The following ADGRG2 variants were observed in gnomAD, a reference collection of about 807,000 sequenced individuals.
The protein encoded by ADGRG2 is G protein-coupled receptor 64.
ADGRG2 carries 26 observed loss-of-function variants against 74.1 expected under a neutral mutation model. The ratio of observed to expected loss-of-function variants is 0.35; its 90% CI spans 0.26 to 0.49. ADGRG2 has a LOEUF of 0.49. Among genes scored for constraint, ADGRG2 ranks in the 20% least tolerant of loss-of-function variants. The probability of loss-of-function intolerance (pLI) is 0.99; values close to 1 mark genes in which losing one functional copy is unlikely to be tolerated. For synonymous variants in ADGRG2, 296 were observed against 295.2 expected (o/e 1.00, Z -0.03); for missense variants, 619 against 763.1 (o/e 0.81, Z 2.22).
chrX:19,084,819 TG>T (rs2061912776), intron 1 of ADGRG2, among the ~76,000 whole-genome samples: 2 of 111,932 alleles, frequency 1.8e-5, no homozygotes, highest in African/African-American at 6.5e-5. Flanking sequence ...TTCGCTCCCT[TG>T]GAATACTTAC....
chrX:19,002,910 G>T lies in ADGRG2; in HGVS notation c.2166C>A (p.Ala722=). 8.3e-7 allele frequency: 1 copy of T among 1,201,802 alleles called. No homozygotes were observed. The highest frequency in any genetic ancestry group is 3.0e-5 in the East Asian group (1 of 33,798). The change falls in exon 24 of 29, where the codon GCC becomes GCA. Residue 722 remains alanine, a synonymous_variant. Coordinates refer to ENST00000379869, the MANE Select transcript of ADGRG2 (RefSeq NM_001079858.3). ...MGLEAFHMYL[A]LVKVFNTYIR... ...TGTAAGTATTAAATACTTTGACAAG[G>T]GCCAGGTACATATGGAATGCTTCTA...
At chrX:19,094,449 T>C (rs2062063297) in intron 1 of ADGRG2, among the ~76,000 whole-genome samples, 1 of 110,498 alleles carries the variant, frequency 9.0e-6, no homozygotes, top group South Asian at 3.9e-4. Flanking sequence ...AGGTCAGGCA[T>C]GGACAACGCA....
chrX:19,019,470 T>C, intron 15 of ADGRG2, 129 bp downstream of exon 15: 1 of 449,514 alleles, frequency 2.2e-6, no homozygotes, highest in Non-Finnish European at 4.0e-6. Flanking sequence ...AACTTCATAC[T>C]GCAGAAAACT....
chrX:19,025,612 T>C (rs776842834), intron 11 of ADGRG2, among the ~76,000 whole-genome samples: 2 of 111,321 alleles, frequency 1.8e-5, no homozygotes, highest in East Asian at 5.6e-4. Flanking sequence ...AAAAAAAGTT[T>C]TGGCTGGGCA....
chrX:19,004,987 T>G, intron 22 of ADGRG2, 108 bp from the exon 23 acceptor site: 1 of 541,650 alleles, frequency 1.8e-6, no homozygotes, highest in East Asian at 4.0e-5. Flanking sequence ...TCAACAAACC[T>G]ATGAGGTAGG....
intron 1 of ADGRG2, among the ~76,000 whole-genome samples, chrX:19,108,809 G>T (rs1352394035): frequency 8.9e-6 from 1 of 111,839 alleles, no homozygotes; most frequent in Admixed American, 9.5e-5. Flanking sequence ...TTCTTGATCT[G>T]GGGGCTGGTG....
In ADGRG2 at chrX:19,068,458, G is replaced by A. The variant is rs755093332; in HGVS notation, c.118+259C>T. Among the ~76,000 whole-genome samples, 4 of 110,613 alleles carry A rather than the reference G, an allele frequency of 3.6e-5. No individual in the cohort carries two copies. In the East Asian group the frequency reaches 1.1e-3, roughly 31 times the overall value. On this transcript the variant is annotated intron_variant, in intron 3 of 28. Transcript: ENST00000379869. Reference sequence around the variant, plus strand: ...AACAGAGGTTACCAGGAAGGGGTGGGGGGGAAGGAAATTGGGAGTTATTGT... The same window carrying A: ...AACAGAGGTTACCAGGAAGGGGTGGAGGGGAAGGAAATTGGGAGTTATTGT...
chrX:19,103,468 C>G (rs908617211), intron 1 of ADGRG2, among the ~76,000 whole-genome samples: 5 of 111,740 alleles, frequency 4.5e-5, no homozygotes, highest in African/African-American at 1.6e-4. Context: ...ACGGAGCAAA[C>G]ATTCTTTATT....
At chrX:19,007,184 T>C in intron 20 of ADGRG2, 51 bp downstream of exon 20, 1 of 1,183,425 alleles carries the variant, frequency 8.5e-7, no homozygotes, top group Non-Finnish European at 1.1e-6. Flanking sequence ...CAAGCATAGT[T>C]TGTACAAGGT....
At chrX:19,051,231 C>G (rs988549283) in intron 3 of ADGRG2, among the ~76,000 whole-genome samples, 2 of 111,464 alleles carry the variant, frequency 1.8e-5, no homozygotes, top group Non-Finnish European at 3.8e-5. Context: ...CCCACCACCA[C>G]GCCCGGCTAA....
At chrX:19,023,594 G>T in intron 12 of ADGRG2, 141 bp from the exon 13 acceptor site, 1 of 436,545 alleles carries the variant, frequency 2.3e-6, no homozygotes, top group Non-Finnish European at 4.0e-6. Flanking sequence ...ATTCCTACCA[G>T]ATTCCCGGCA....
chrX:19,009,550 C>T (rs2060308322), intron 18 of ADGRG2, 76 bp downstream of exon 18: 4 of 921,153 alleles, frequency 4.3e-6, no homozygotes, highest in South Asian at 2.0e-5. Flanking sequence ...GCAGTAATTG[C>T]CTCAATCATG....
At chrX:19,113,100 C>T (rs886688300) in intron 1 of ADGRG2, among the ~76,000 whole-genome samples, 4 of 108,153 alleles carry the variant, frequency 3.7e-5, no homozygotes, top group East Asian at 2.9e-4. Context: ...CTAAACCTGC[C>T]GGTGCGGTGG....
At chrX:19,069,379 G>A (rs1420739857) in intron 2 of ADGRG2, among the ~76,000 whole-genome samples, 9 of 110,030 alleles carry the variant, frequency 8.2e-5, no homozygotes, top group Non-Finnish European at 1.5e-4. Flanking sequence ...TTTTTGAGAC[G>A]GAGTTTCGCT....
At chrX:19,012,285 C>T (rs1382652994) in intron 16 of ADGRG2, among the ~76,000 whole-genome samples, 1 of 111,211 alleles carries the variant, frequency 9.0e-6, no homozygotes, top group Non-Finnish European at 1.9e-5. Context: ...CTTGTTGCCC[C>T]AGGAATACAT....
chrX:19,115,934 G>A (rs1408084644), intron 1 of ADGRG2, among the ~76,000 whole-genome samples: 1 of 110,949 alleles, frequency 9.0e-6, no homozygotes, highest in Non-Finnish European at 1.9e-5. Context: ...TGCAGGCCGG[G>A]TGCAGTGGCT....
At chrX:19,036,229 T>G (rs1242620722) in intron 6 of ADGRG2, 1 of 243,972 alleles carries the variant, frequency 4.1e-6, no homozygotes, top group Non-Finnish European at 7.2e-6. Context: ...TTAGCAACAC[T>G]CCCGTAACCA....
intron 1 of ADGRG2, among the ~76,000 whole-genome samples, chrX:19,115,346 C>T (rs1053271523): frequency 9.0e-6 from 1 of 111,184 alleles, no homozygotes; most frequent in Non-Finnish European, 1.9e-5. Context: ...AACTTATATT[C>T]CAGGAAGGAA....
At chrX:19,088,983 G>T (rs1043708545) in intron 1 of ADGRG2, among the ~76,000 whole-genome samples, 1 of 111,211 alleles carries the variant, frequency 9.0e-6, no homozygotes, top group African/African-American at 3.3e-5. Context: ...ATATATATCT[G>T]CCACGTGAGA....
Sources: allele counts gnomAD v4.1 joint callset (sites outside exome capture counted in the v4.1 genomes callset), GRCh38; gene constraint gnomAD v4.1.1; transcripts MANE v1.5; gene names NCBI Gene and HGNC (gene_info 2026-07-23, HGNC 2026-07-21).